Variants in CELSR1 observed in about 807,000 individuals in gnomAD.
The protein encoded by CELSR1 is adhesion G protein-coupled receptor C1.
CELSR1 carries 110 observed loss-of-function variants against 249.1 expected under a neutral mutation model. The ratio of observed to expected loss-of-function variants is 0.44; its 90% CI spans 0.38 to 0.52. The LOEUF is 0.52. Among genes scored for constraint, CELSR1 ranks in the 20% least tolerant of loss-of-function variants. CELSR1 has a pLI of 0.00. For missense variants in CELSR1, 4,109 were observed against 4,296.4 expected (o/e 0.96, Z 1.22); for synonymous variants, 2,113 against 1,900.0 (o/e 1.11, Z -2.92).
chr22:46,536,658 G>C lies in CELSR1; in HGVS notation c.513C>G (p.Ile171Met). The C allele has an allele frequency of 8.6e-7, 1 of 1,168,530 alleles. No individual in the cohort carries two copies. The highest frequency in any genetic ancestry group is 4.1e-5 in the South Asian group (1 of 24,554). 72.4% of individuals were successfully genotyped at this position (1,168,530 alleles called of 1,614,324 possible). Residue 171 changes from isoleucine to methionine, a missense_variant, in exon 1 of 35, where the codon ATC (isoleucine) becomes ATG (methionine). Transcript: ENST00000674500. ...GGACCGAGCCGCCCGGCGGCAGGCA[G>C]ATGGGACGGCCGGGACAGCGGGGCC... ...RPRPRCPGRP[I>M]CLPPGGSVRL... is the part of the protein sequence containing the mutation.
chr22:46,533,532 G>A (rs1387456832), intron 1 of CELSR1, 95 bp downstream of exon 1: 2 of 1,478,700 alleles, frequency 1.4e-6, no homozygotes, highest in Non-Finnish European at 1.8e-6. Context: ...CGGCCCAATT[G>A]CGCCCCGGCA....
chr22:46,414,848 A>G (rs2079381105), intron 5 of CELSR1, among the ~76,000 whole-genome samples: 1 of 152,192 alleles, frequency 6.6e-6, no homozygotes, highest in African/African-American at 2.4e-5. Context: ...CGGCGTTGCT[A>G]TTTACAACTC....
intron 1 of CELSR1, among the ~76,000 whole-genome samples, chr22:46,508,445 G>GC (rs1233377661): frequency 1.8e-4 from 2 of 11,124 alleles, no homozygotes; most frequent in African/African-American, 6.4e-4. Flanking sequence ...CCCCACCCCC[G>GC]CCCCTTGCTG....
intron 1 of CELSR1, among the ~76,000 whole-genome samples, chr22:46,474,788 CTTTTTT>C (rs55932520): frequency 3.3e-5 from 3 of 89,624 alleles, no homozygotes; most frequent in African/African-American, 9.4e-5. Context: ...CTCTCTACTT[CTTTTTT>C]TTTTTTTTTT....
At chr22:46,485,770 C>A (rs867643574) in intron 1 of CELSR1, among the ~76,000 whole-genome samples, 1 of 152,154 alleles carries the variant, frequency 6.6e-6, no homozygotes, top group African/African-American at 2.4e-5. Flanking sequence ...AATGGGCGCA[C>A]TGGAGCCATC....
chr22:46,440,780 C>T lies in CELSR1; in HGVS notation c.4184-1369G>A, dbSNP rs185785136. Among the ~76,000 whole-genome samples, 79 of 152,236 alleles carry T rather than the reference C, an allele frequency of 5.2e-4. No homozygotes were observed. Among genetic ancestry groups the T allele is most frequent in the Non-Finnish European group, 8.4e-4 (57 of 68,026 alleles). ...ACATTAGGTTTTATGTATTTGTAGC[C>T]CCACAGAAATTTTTTGTCTGTATGT... is the stretch of plus-strand genomic sequence containing the variant. On this transcript the variant is annotated intron_variant, in intron 2 of 34. Transcript: ENST00000674500. The surrounding 1 kb of genome is among the most constrained non-coding windows in gnomAD (Gnocchi z 4.7).
Position 46,534,266 on chromosome 22 carries a change from G to C in CELSR1, c.2905C>G (p.Leu969Val). 6.2e-7 allele frequency: 1 copy of C among 1,613,476 alleles called. No individual in the cohort carries two copies. The highest frequency in any genetic ancestry group is 8.5e-7 in the Non-Finnish European group (1 of 1,180,034). The change falls in exon 1 of 35, where the codon CTG (leucine) becomes GTG (valine). Residue 969 changes from leucine (L) to valine (V), a missense_variant. Leu to Val is a conservative substitution (Grantham distance 32, BLOSUM62 1). Around this residue, in one of 7 missense-constraint regions of CELSR1, gnomAD observed 886 missense variants for 896.5 expected, o/e 0.99. Coordinates refer to ENST00000674500, the MANE Select transcript of CELSR1 (RefSeq NM_001378328.1). This position sits in a 1 kb window ranked among gnomAD's most constrained non-coding sequence, Gnocchi z 9.7. Reference protein sequence around the residue: ...ENVAVYNLWALAVDRGSPTPL... With the variant: ...ENVAVYNLWAVAVDRGSPTPL... ...GTGGGACTGCCCCGATCCACAGCCAGAGCCCAAAGGTTGTACACGGCCACA... is the reference window on the plus strand; with the variant it reads ...GTGGGACTGCCCCGATCCACAGCCACAGCCCAAAGGTTGTACACGGCCACA...
chr22:46,452,924 G>C (rs2079902890), intron 2 of CELSR1, among the ~76,000 whole-genome samples: 1 of 152,252 alleles, frequency 6.6e-6, no homozygotes, highest in Non-Finnish European at 1.5e-5. Context: ...CCATGGGGTT[G>C]GGCACAGCCT....
chr22:46,477,427 C>A (rs1480046951), intron 1 of CELSR1, among the ~76,000 whole-genome samples: 1 of 152,192 alleles, frequency 6.6e-6, no homozygotes, highest in East Asian at 1.9e-4. Flanking sequence ...CCACAAGAAA[C>A]CCCTTGTTGG....
At chr22:46,394,847 G>A (rs1481857683) in intron 13 of CELSR1, among the ~76,000 whole-genome samples, 2 of 152,238 alleles carry the variant, frequency 1.3e-5, no homozygotes, top group African/African-American at 2.4e-5. Context: ...CCCCGGCAGA[G>A]AGCAACAGAC....
At chr22:46,386,689 A>G in intron 18 of CELSR1, 104 bp from the exon 19 acceptor site, 2 of 891,710 alleles carry the variant, frequency 2.2e-6, no homozygotes, top group South Asian at 1.8e-5. Flanking sequence ...GGGCTCATTC[A>G]TTCATTCCAG....
rs891335555 is a variant in CELSR1 at position 46,396,971 on chromosome 22, C to A, written c.5702-225G>T. ...CGGGCTGCCCCAAGGAGGGTGAGAG[C>A]CTTGGAACACGGGGCCCAGGCTGCC... is the stretch of plus-strand genomic sequence containing the variant. On this transcript the variant is annotated intron_variant, in intron 12 of 34. Transcript: ENST00000674500. This position sits in a 1 kb window ranked among gnomAD's most constrained non-coding sequence, Gnocchi z 6.4. Among the ~76,000 whole-genome samples, 1 of 152,026 alleles carries A rather than the reference C, an allele frequency of 6.6e-6. No homozygotes were observed. Among genetic ancestry groups the A allele is most frequent in the Admixed American group, 6.6e-5 (1 of 15,262 alleles).
chr22:46,530,344 T>A (rs1462941905), intron 1 of CELSR1: 1 of 148,140 alleles, frequency 6.8e-6, no homozygotes, highest in African/African-American at 2.5e-5. Flanking sequence ...CATTATAACA[T>A]ATATTATATA....
chr22:46,402,590 C>T lies in CELSR1; in HGVS notation c.5227-2688G>A, dbSNP rs183927215. 5.0e-4 allele frequency among the ~76,000 whole-genome samples: 76 copies of T among 152,172 alleles called. No homozygotes were observed. Among genetic ancestry groups the T allele is most frequent in the African/African-American group, 1.7e-3 (70 of 41,502 alleles). The stretch of plus-strand genomic sequence containing the variant: ...ACTCAATAAAAAATAGCCAAGTATA[C>T]GAGGATATAAGGTAATATGCTTGAA... On this transcript the variant is annotated intron_variant, in intron 9 of 34. Transcript: ENST00000674500. The surrounding 1 kb of genome is among the most constrained non-coding windows in gnomAD (Gnocchi z 5.0).
Position 46,534,703 on chromosome 22 carries a change from C to A in CELSR1, c.2468G>T (p.Arg823Leu). 1 of 1,613,436 alleles carries A rather than the reference C, an allele frequency of 6.2e-7. No individual in the cohort carries two copies. Among genetic ancestry groups the A allele is most frequent in the East Asian group, 2.2e-5 (1 of 44,876 alleles). Residue 823 changes from arginine (R) to leucine (L), a missense_variant, in exon 1 of 35, where the codon CGC (arginine) becomes CTC (leucine). Coordinates refer to ENST00000674500, the MANE Select transcript of CELSR1 (RefSeq NM_001378328.1). This position sits in a 1 kb window ranked among gnomAD's most constrained non-coding sequence, Gnocchi z 9.7. ...ANDEDTGENARITYVIQDPVP... is the reference protein window; with the variant it reads ...ANDEDTGENALITYVIQDPVP... ...GGGGTCCTGAATCACGTAGGTGATG[C>A]GGGCATTCTCTCCTGTGTCCTCATC...
At chr22:46,508,789 C>T (rs1200609519) in intron 1 of CELSR1, among the ~76,000 whole-genome samples, 3 of 152,208 alleles carry the variant, frequency 2.0e-5, no homozygotes, top group African/African-American at 7.2e-5. Flanking sequence ...TGCCGAGACA[C>T]GCCTGCCGCG....
At position 46,378,722 on chromosome 22, in the gene CELSR1, G is replaced by A. The variant is rs201250700; in HGVS notation, c.7257-5C>T. On this transcript the variant is annotated splice_polypyrimidine_tract_variant and splice_region_variant and intron_variant, in intron 22 of 34. Transcript: ENST00000674500. ...CACCCTCCCGTCCCACCAACGCTGCGGAGAGGACAGAGAAGGGGCAGGGGT... is the reference window on the plus strand; with the variant it reads ...CACCCTCCCGTCCCACCAACGCTGCAGAGAGGACAGAGAAGGGGCAGGGGT... 3.0e-4 allele frequency: 477 copies of A among 1,611,688 alleles called. No homozygotes were observed. The highest frequency in any genetic ancestry group is 1.8e-3 in the African/African-American group (134 of 75,036).
At position 46,363,142 on chromosome 22, in the gene CELSR1, G is replaced by A. The variant is rs779813757; in HGVS notation, c.*81C>T. 6.2e-7 allele frequency: 1 copy of A among 1,613,714 alleles called. No individual in the cohort carries two copies. The highest frequency in any genetic ancestry group is 1.7e-5 in the Admixed American group (1 of 60,028). ...GCCCCTTGGGCTCCAAGGTCTGAGG[G>A]TGATGCCGCAGCCTGTGTGGGGTGA... On this transcript the variant is annotated 3_prime_UTR_variant, in exon 35 of 35. Coordinates refer to ENST00000674500, the MANE Select transcript of CELSR1 (RefSeq NM_001378328.1). This position sits in a 1 kb window ranked among gnomAD's most constrained non-coding sequence, Gnocchi z 4.3.
At chr22:46,366,966 T>C in intron 29 of CELSR1, 27 bp downstream of exon 29, 2 of 1,599,646 alleles carry the variant, frequency 1.3e-6, no homozygotes, top group Non-Finnish European at 1.7e-6. Context: ...CAGCCCCCAG[T>C]CCCGCGGTGT....
Sources: gnomAD v4.1 joint callset for allele counts (sites outside exome capture counted in the v4.1 genomes callset) on GRCh38, gnomAD v4.1.1 for gene constraint, gnomAD v4.1.1 regional missense constraint, Gnocchi (gnomAD v3.1) non-coding constraint, MANE v1.5 for transcripts, NCBI Gene and HGNC (gene_info 2026-07-23, HGNC 2026-07-21) for gene names.